The following TSPAN9 variants were observed in gnomAD, a reference collection of about 807,000 sequenced individuals.
The protein encoded by TSPAN9 is tetraspanin 9.
Under a neutral mutation model 31.0 loss-of-function variants are expected in TSPAN9, and 16 were observed. The ratio of observed to expected loss-of-function variants is 0.52; its 90% confidence interval spans 0.35 to 0.78. The LOEUF (loss-of-function observed/expected upper bound fraction) is 0.78. Among genes scored for constraint, TSPAN9 ranks in the 30% least tolerant of loss-of-function variants. TSPAN9 has a pLI of 0.01. For missense variants in TSPAN9, 272 were observed against 312.5 expected (o/e 0.87, Z 0.98); for synonymous variants, 145 against 121.6 (o/e 1.19, Z -1.27).
intron 3 of TSPAN9, among the ~76,000 whole-genome samples, chr12:3,235,257 T>G: frequency 1.3e-5 from 1 of 75,618 alleles, no homozygotes. Flanking sequence ...TATATATATA[T>G]ATATATATAT....
At chr12:3,269,575 TCTCTGTGTTCCTGCAGCCTGCC>T (rs1480622425) in intron 3 of TSPAN9, among the ~76,000 whole-genome samples, 12 of 146,350 alleles carry the variant, frequency 8.2e-5, no homozygotes, top group African/African-American at 1.0e-4. Context: ...CAGCCTGCCC[TCTCTGTGTTCCTGCAGCCTGCC>T]CTCTGTGTTC....
Position 3,280,481 on chromosome 12 carries a change from G to T in TSPAN9, c.430G>T (p.Glu144Ter). 1 of 1,611,618 alleles carries T rather than the reference G, an allele frequency of 6.2e-7. No individual in the cohort carries two copies. The change falls in exon 6 of 9, where the codon GAG becomes TAG. Residue 144 changes from glutamate (E) to a stop codon, truncating the protein, a stop_gained and splice_region_variant. Transcript: ENST00000011898. LOFTEE classifies it high-confidence loss of function. The surrounding 1 kb of genome is among the most constrained non-coding windows in gnomAD (Gnocchi z 4.5). ...GAACGCCTGGAACATCATCCAGGCT[G>T]AGGTGCGGGCTGGGCCGCCCTGGTG... is the stretch of plus-strand genomic sequence containing the variant. ...LKNAWNIIQA[E>*]MRCCGVTDYT...
chr12:3,118,911 C>G (rs1420465826), intron 2 of TSPAN9, among the ~76,000 whole-genome samples: 1 of 152,178 alleles, frequency 6.6e-6, no homozygotes, highest in Non-Finnish European at 1.5e-5. Flanking sequence ...CAAAGACAGG[C>G]AGGACTTCGG....
At chr12:3,247,546 G>T (rs1862161936) in intron 3 of TSPAN9, among the ~76,000 whole-genome samples, 1 of 152,224 alleles carries the variant, frequency 6.6e-6, no homozygotes. Context: ...CACCTTAAGA[G>T]AAATGGAGTT....
intron 2 of TSPAN9, among the ~76,000 whole-genome samples, chr12:3,175,777 C>T (rs758543035): frequency 3.0e-4 from 45 of 152,254 alleles, no homozygotes; most frequent in African/African-American, 9.1e-4. Context: ...GGTGTGGGAC[C>T]GGCATCGCAC....
At chr12:3,182,979 C>T (rs961845320) in intron 2 of TSPAN9, among the ~76,000 whole-genome samples, 1 of 152,168 alleles carries the variant, frequency 6.6e-6, no homozygotes, top group African/African-American at 2.4e-5. Flanking sequence ...GAGCTGTCTC[C>T]GGGACTGAGG....
intron 2 of TSPAN9, among the ~76,000 whole-genome samples, chr12:3,115,649 C>A (rs755549870): frequency 2.6e-4 from 39 of 152,156 alleles, no homozygotes; most frequent in Non-Finnish European, 1.5e-4. Flanking sequence ...GGAAACAGGG[C>A]AAGAGAGCTC....
At chr12:3,265,039 G>A (rs1189119618) in intron 3 of TSPAN9, among the ~76,000 whole-genome samples, 8 of 152,126 alleles carry the variant, frequency 5.3e-5, no homozygotes, top group Non-Finnish European at 2.9e-5. Context: ...CAGCTGGCCC[G>A]GCTATTCCCA....
chr12:3,166,434 T>G (rs1167876678), intron 2 of TSPAN9, among the ~76,000 whole-genome samples: 3 of 152,360 alleles, frequency 2.0e-5, no homozygotes, highest in Admixed American at 2.0e-4. Flanking sequence ...CCTTAGAGAT[T>G]ATCTCATATT....
At chr12:3,231,312 T>C (rs1447773907) in intron 3 of TSPAN9, among the ~76,000 whole-genome samples, 1 of 152,116 alleles carries the variant, frequency 6.6e-6, no homozygotes, top group African/African-American at 2.4e-5. Context: ...TCAGAATTCC[T>C]GTCAGTTCAC....
intron 2 of TSPAN9, among the ~76,000 whole-genome samples, chr12:3,118,685 C>T (rs1293175561): frequency 6.6e-6 from 1 of 151,692 alleles, no homozygotes; most frequent in Admixed American, 6.6e-5. Context: ...CTCCTTGGCA[C>T]TCCCTCCCTG....
intron 4 of TSPAN9, 27 bp downstream of exon 4, chr12:3,278,639 C>T (rs1424542960): frequency 6.2e-7 from 1 of 1,601,718 alleles, no homozygotes; most frequent in Non-Finnish European, 8.5e-7. Flanking sequence ...TCCCCAGCCC[C>T]TCCAACTCCT....
intron 2 of TSPAN9, among the ~76,000 whole-genome samples, chr12:3,188,373 C>A (rs1323630182): frequency 6.6e-6 from 1 of 152,176 alleles, no homozygotes; most frequent in Admixed American, 6.5e-5. Context: ...GCTGTGTGTT[C>A]ATCTCTGCAG....
At chr12:3,236,417 A>C (rs1023566247) in intron 3 of TSPAN9, among the ~76,000 whole-genome samples, 1 of 152,240 alleles carries the variant, frequency 6.6e-6, no homozygotes, top group African/African-American at 2.4e-5. Flanking sequence ...AGGCAGCTGG[A>C]GCTCAGAGAG....
At chr12:3,144,645 A>G (rs542859231) in intron 2 of TSPAN9, among the ~76,000 whole-genome samples, 3 of 152,174 alleles carry the variant, frequency 2.0e-5, no homozygotes, top group Non-Finnish European at 4.4e-5. Context: ...AGCTCGGGGT[A>G]CTTTGCTGCA....
intron 2 of TSPAN9, among the ~76,000 whole-genome samples, chr12:3,086,329 ATTT>A (rs11356214): frequency 3.4e-5 from 5 of 145,824 alleles, no homozygotes; most frequent in African/African-American, 5.0e-5. Context: ...CCAAATGTAG[ATTT>A]TTTTTTTTTT....
chr12:3,273,443 C>T (rs533206984), intron 3 of TSPAN9, among the ~76,000 whole-genome samples: 3 of 152,166 alleles, frequency 2.0e-5, no homozygotes, highest in Non-Finnish European at 4.4e-5. Context: ...TGACCTTCTG[C>T]GGGTTGGTGC....
intron 2 of TSPAN9, among the ~76,000 whole-genome samples, chr12:3,158,105 G>A (rs2098343206): frequency 6.6e-6 from 1 of 152,206 alleles, no homozygotes; most frequent in Admixed American, 6.5e-5. Flanking sequence ...TCCTCTTCTT[G>A]CTTTCCTCGA....
At chr12:3,139,417 C>T (rs73254360) in intron 2 of TSPAN9, among the ~76,000 whole-genome samples, 2,733 of 152,260 alleles carry the variant, frequency 0.018, 77 homozygotes, top group African/African-American at 0.063. Context: ...TGTCCCCTGC[C>T]GTGCAGTGGA....
Sources: allele counts gnomAD v4.1 joint callset (sites outside exome capture counted in the v4.1 genomes callset), GRCh38; gene constraint gnomAD v4.1.1; non-coding constraint Gnocchi (gnomAD v3.1); transcripts MANE v1.5; gene names NCBI Gene and HGNC (gene_info 2026-07-23, HGNC 2026-07-21).